The following HELZ variants were observed in gnomAD, a reference collection of about 807,000 sequenced individuals.
The protein encoded by HELZ is ATP-dependent RNA helicase with zinc finger domain.
In HELZ, 23 loss-of-function variants were observed where a neutral mutation model predicts 218.2. The ratio of observed to expected loss-of-function variants is 0.11; its 90% CI spans 0.08 to 0.15. The LOEUF (loss-of-function observed/expected upper bound fraction) is 0.15. Among genes scored for constraint, HELZ ranks in the 10% least tolerant of loss-of-function variants. The probability of loss-of-function intolerance (pLI) is 1.00; values close to 1 mark genes in which losing one functional copy is unlikely to be tolerated. For synonymous variants in HELZ, 814 were observed against 829.4 expected (o/e 0.98, Z 0.32); for missense variants, 1,813 against 2,353.7 (o/e 0.77, Z 4.75).
At chr17:67,146,010 C>T (rs2038485166) in intron 20 of HELZ, 120 bp from the exon 21 acceptor site, 6 of 826,570 alleles carry the variant, frequency 7.3e-6, no homozygotes, top group South Asian at 1.7e-5. Context: ...ATTAATTTTA[C>T]TCCAATCATC....
At chr17:67,245,427 C>G (rs2041457553), upstream of HELZ, 5 of 945,558 alleles carry the variant, frequency 5.3e-6, no homozygotes, top group African/African-American at 1.8e-5. Flanking sequence ...TCCCTTTCTC[C>G]TGCCCCGGCC....
intron 17 of HELZ, 94 bp downstream of exon 17, chr17:67,160,167 T>C (rs2038956487): frequency 1.3e-6 from 1 of 740,976 alleles, no homozygotes; most frequent in Admixed American, 2.4e-5. Context: ...ATAAAGACTT[T>C]GGTATTTCCA....
chr17:67,185,140 A>G (rs1030717898), intron 12 of HELZ, among the ~76,000 whole-genome samples: 7 of 152,166 alleles, frequency 4.6e-5, no homozygotes, highest in African/African-American at 1.7e-4. Context: ...CTTGCTCTCA[A>G]TGTCTCTGAA....
intron 20 of HELZ, 50 bp from the exon 21 acceptor site, chr17:67,145,940 A>T (rs1381982209): frequency 3.9e-6 from 6 of 1,529,210 alleles, no homozygotes; most frequent in Non-Finnish European, 4.4e-6. Context: ...CATCAAAATT[A>T]ATTTCACCCA....
Position 67,178,899 on chromosome 17 carries a change from T to C in HELZ, c.1190A>G (p.Gln397Arg), listed in dbSNP as rs766802527. The change falls in exon 13 of 33, where the codon CAG becomes CGG. Residue 397 changes from glutamine (Q) to arginine (R), a missense_variant. Physicochemically the swap from Gln to Arg is conservative, Grantham distance 43. Around this residue, in one of 4 missense-constraint regions of HELZ, gnomAD observed 714 missense variants for 1,029.2 expected, o/e 0.69. Transcript: ENST00000358691. Reference protein sequence around the residue: ...EDLEYLMHAKQQLVTTAKRWD... With the variant: ...EDLEYLMHAKRQLVTTAKRWD... The stretch of plus-strand genomic sequence containing the variant: ...ACGTTTAGCTGTGGTTACTAGCTGC[T>C]GTTTTGCATGCATCAGGTATTCGAG... The C allele has an allele frequency of 6.2e-7, 1 of 1,609,268 alleles. No individual in the cohort carries two copies. Among genetic ancestry groups the C allele is most frequent in the Non-Finnish European group, 8.5e-7 (1 of 1,176,406 alleles).
Position 67,218,796 on chromosome 17 carries a change from G to A in HELZ, c.9C>T (p.Asp3=). 1 of 1,614,054 alleles carries A rather than the reference G, an allele frequency of 6.2e-7. No individual in the cohort carries two copies. The highest frequency in any genetic ancestry group is 1.1e-5 in the South Asian group (1 of 91,078). The change falls in exon 4 of 33, where the codon GAC becomes GAT. Residue 3 remains aspartate (D), a synonymous_variant. Coordinates refer to ENST00000358691, the MANE Select transcript of HELZ (RefSeq NM_014877.4). ME[D]RRAEKSCEQA... ...GTTCACATGACTTTTCAGCTCTTCT[G>A]TCTTCCATGACTCAGGGACAAAAAT...
chr17:67,090,982 TCTTA>T (rs1432825247), intron 31 of HELZ, among the ~76,000 whole-genome samples: 3 of 152,058 alleles, frequency 2.0e-5, no homozygotes, highest in African/African-American at 7.2e-5. Flanking sequence ...TGATCTGAGA[TCTTA>T]CTTCTTTTCT....
intron 26 of HELZ, among the ~76,000 whole-genome samples, chr17:67,120,828 G>C (rs534215175): frequency 6.6e-6 from 1 of 152,192 alleles, no homozygotes; most frequent in African/African-American, 2.4e-5. Flanking sequence ...CCTTTAGTAT[G>C]TAATGGAAAA....
intron 32 of HELZ, among the ~76,000 whole-genome samples, chr17:67,086,024 T>G (rs888328380): frequency 4.6e-5 from 7 of 152,214 alleles, no homozygotes; most frequent in Non-Finnish European, 8.8e-5. Flanking sequence ...TGTCAGACTT[T>G]ACTGGTCTCT....
intron 32 of HELZ, among the ~76,000 whole-genome samples, chr17:67,085,755 A>G (rs997191820): frequency 4.6e-5 from 7 of 152,222 alleles, no homozygotes; most frequent in African/African-American, 9.6e-5. Context: ...ATCAACGTCT[A>G]CAGCATACAA....
At chr17:67,221,577 C>T (rs1490591901) in intron 3 of HELZ, among the ~76,000 whole-genome samples, 2 of 152,196 alleles carry the variant, frequency 1.3e-5, no homozygotes. Context: ...CCAGAATTCA[C>T]CAGCTGCACC....
chr17:67,178,951 T>A (rs2039533222), intron 12 of HELZ, 25 bp from the exon 13 acceptor site: 10 of 1,509,170 alleles, frequency 6.6e-6, no homozygotes, highest in Non-Finnish European at 9.0e-6. Flanking sequence ...AAAACACATT[T>A]ATAAAGAAAC....
At chr17:67,193,357 A>G (rs1373876384) in intron 9 of HELZ, among the ~76,000 whole-genome samples, 17 of 151,780 alleles carry the variant, frequency 1.1e-4, no homozygotes, top group Non-Finnish European at 2.4e-4. Context: ...AAAAAAAAAA[A>G]AAAAAAGAAA....
intron 5 of HELZ, among the ~76,000 whole-genome samples, chr17:67,215,349 CTTTTTT>C (rs773776900): frequency 7.3e-6 from 1 of 136,614 alleles, no homozygotes; most frequent in Non-Finnish European, 1.6e-5. Flanking sequence ...GCTATTCAAA[CTTTTTT>C]TTTTTTTTTT....
Position 67,187,866 on chromosome 17 carries a change from G to T in HELZ, c.1162+453C>A, listed in dbSNP as rs113998502. Among the ~76,000 whole-genome samples the T allele has an allele frequency of 4.3e-3, 655 of 152,286 alleles. 6 individuals carry two copies. Among genetic ancestry groups the T allele is most frequent in the African/African-American group, 0.015 (622 of 41,568 alleles). On this transcript the variant is annotated intron_variant, in intron 12 of 32. Coordinates refer to ENST00000358691, the MANE Select transcript of HELZ (RefSeq NM_014877.4). ...CTAGTGGATGCACAAACTGATTTAT[G>T]AAGGCTTATTATACTCAAGACTTTT... is the stretch of plus-strand genomic sequence containing the variant.
chr17:67,171,771 G>A (rs923855286), intron 13 of HELZ, among the ~76,000 whole-genome samples: 2 of 151,734 alleles, frequency 1.3e-5, no homozygotes, highest in African/African-American at 4.8e-5. Context: ...AAAACTCTAT[G>A]CTCTTATTCT....
At chr17:67,116,975 G>A (rs1487218810) in intron 27 of HELZ, among the ~76,000 whole-genome samples, 12 of 152,224 alleles carry the variant, frequency 7.9e-5, no homozygotes, top group African/African-American at 2.9e-4. Flanking sequence ...TTCTGCCTCA[G>A]CCTCCCGAGT....
chr17:67,149,592 G>T (rs771117211), intron 19 of HELZ, among the ~76,000 whole-genome samples: 9 of 151,862 alleles, frequency 5.9e-5, no homozygotes, highest in Non-Finnish European at 1.0e-4. Flanking sequence ...ACAAAAAAAA[G>T]TAAGAATCAG....
chr17:67,184,589 A>T (rs1283428467), intron 12 of HELZ, among the ~76,000 whole-genome samples: 1 of 152,164 alleles, frequency 6.6e-6, no homozygotes, highest in African/African-American at 2.4e-5. Flanking sequence ...ACTTGAGCCT[A>T]GGACTTCGAG....
Sources: gnomAD v4.1 joint callset for allele counts (sites outside exome capture counted in the v4.1 genomes callset) on GRCh38, gnomAD v4.1.1 for gene constraint, gnomAD v4.1.1 regional missense constraint, MANE v1.5 for transcripts, NCBI Gene and HGNC (gene_info 2026-07-23, HGNC 2026-07-21) for gene names.